Variants in APIP observed in about 807,000 individuals in gnomAD.
The protein encoded by APIP is APAF1 interacting protein.
A neutral mutation model predicts 32.0 loss-of-function variants in APIP; 32 were observed. The ratio of observed to expected loss-of-function variants is 1.00; its 90% CI spans 0.76 to 1.34. The LOEUF (loss-of-function observed/expected upper bound fraction) is 1.34. APIP is among the 40% of genes most tolerant of loss of function. The pLI is 0.00. For missense variants in APIP, 247 were observed against 298.6 expected (o/e 0.83, Z 1.27); for synonymous variants, 92 against 94.8 (o/e 0.97, Z 0.17).
chr11:34,916,133 C>G (rs1565143343), intron 1 of APIP, 95 bp downstream of exon 1: 23 of 1,498,038 alleles, frequency 1.5e-5, no homozygotes, highest in Non-Finnish European at 2.1e-5. Context: ...CGCAGCTAAA[C>G]GCCCGGCCCG....
In APIP at chr11:34,899,457, T is replaced by C. The variant is rs187155237; in HGVS notation, c.58-4347A>G. The stretch of plus-strand genomic sequence containing the variant: ...ATTCTGTCTCTGATTAAGGTAGTAC[T>C]GAGCTAGTAAGGGGATTTTAAGTCC... On this transcript the variant is annotated intron_variant, in intron 1 of 6. Transcript: ENST00000395787. 3.7e-4 allele frequency among the ~76,000 whole-genome samples: 57 copies of C among 152,342 alleles called. 1 individual carries two copies. Among genetic ancestry groups the C allele is most frequent in the Admixed American group, 3.3e-3 (50 of 15,312 alleles).
chr11:34,907,556 A>G (rs1273870557), intron 1 of APIP, among the ~76,000 whole-genome samples: 1 of 152,222 alleles, frequency 6.6e-6, no homozygotes, highest in Non-Finnish European at 1.5e-5. Context: ...ACAGAGATAT[A>G]CTTGGTGAAA....
intron 1 of APIP, among the ~76,000 whole-genome samples, chr11:34,904,006 C>G (rs963983436): frequency 3.3e-5 from 5 of 152,192 alleles, no homozygotes; most frequent in African/African-American, 9.7e-5. Flanking sequence ...TGAAGTCTGT[C>G]TTAAAAATAA....
intron 2 of APIP, 52 bp from the exon 3 acceptor site, chr11:34,890,604 C>G (rs142972338): frequency 3.1e-6 from 5 of 1,592,566 alleles, no homozygotes; most frequent in Non-Finnish European, 1.7e-6. Flanking sequence ...TGCTTTTGCA[C>G]AAAGAAAAGT....
chr11:34,904,126 T>A (rs1272122216), intron 1 of APIP, among the ~76,000 whole-genome samples: 1 of 152,226 alleles, frequency 6.6e-6, no homozygotes, highest in Non-Finnish European at 1.5e-5. Flanking sequence ...GGGCATTCAA[T>A]ACCTGCTGGT....
At chr11:34,898,429 G>A (rs1444991164) in intron 1 of APIP, among the ~76,000 whole-genome samples, 1 of 152,078 alleles carries the variant, frequency 6.6e-6, no homozygotes, top group African/African-American at 2.4e-5. Context: ...CGTGAGGCTG[G>A]GAAAGTTCTG....
chr11:34,903,454 T>C (rs1454308967), intron 1 of APIP, among the ~76,000 whole-genome samples: 3 of 152,222 alleles, frequency 2.0e-5, no homozygotes, highest in Non-Finnish European at 4.4e-5. Flanking sequence ...TTACACTGAC[T>C]CCAAGTATGC....
At chr11:34,903,613 G>A (rs1348339856) in intron 1 of APIP, among the ~76,000 whole-genome samples, 1 of 152,120 alleles carries the variant, frequency 6.6e-6, no homozygotes, top group Non-Finnish European at 1.5e-5. Flanking sequence ...GCATTGCAAG[G>A]GACATCAAAA....
chr11:34,912,431 T>A (rs7116411), intron 1 of APIP, among the ~76,000 whole-genome samples: 1 of 152,136 alleles, frequency 6.6e-6, no homozygotes, highest in Non-Finnish European at 1.5e-5. Context: ...TTCTCTCTCC[T>A]AGCTTGAAAG....
intron 1 of APIP, among the ~76,000 whole-genome samples, chr11:34,896,444 C>T (rs1462858371): frequency 6.6e-6 from 1 of 152,132 alleles, no homozygotes; most frequent in Non-Finnish European, 1.5e-5. Context: ...AAGCTGGAAA[C>T]CATCATTCTC....
Position 34,895,023 on chromosome 11 carries a change from TA to T in APIP, c.144del (p.Ser49AlafsTer2). 1.9e-6 allele frequency: 3 copies of T among 1,614,064 alleles called. No individual in the cohort carries two copies. Among genetic ancestry groups the T allele is most frequent in the Non-Finnish European group, 1.7e-6 (2 of 1,179,912 alleles). On this transcript the variant is annotated frameshift_variant, in exon 2 of 7. Coordinates refer to ENST00000395787, the MANE Select transcript of APIP (RefSeq NM_015957.4). LOFTEE classifies it high-confidence loss of function. Reference sequence around the variant, plus strand: ...CCAGAAACTTACCCATGCTTCAAGCTAATTCCTCCTCCAGTCCCAGTGACCC... The same window carrying T: ...CCAGAAACTTACCCATGCTTCAAGCTATTCCTCCTCCAGTCCCAGTGACCC... ...LGWVTGTGGGISLKHGDEIYI... is the reference protein window; with the variant it reads ...LGWVTGTGGGXSLKHGDEIYI...
At position 34,883,346 on chromosome 11, in the gene APIP, G is replaced by A; in HGVS notation, c.620C>T (p.Ala207Val). ...TCTGATTTACACTCACATGGTTTTG[G>A]CCTTCTCCCATGTTTCCCCCCACAC... ...VYVWGETWEK[A>V]KTMCECYDYL... The change falls in exon 6 of 7, where the codon GCC becomes GTC. Residue 207 changes from alanine to valine, a missense_variant. By Grantham distance (64) the Ala-to-Val change is moderately conservative (BLOSUM62 0). Coordinates refer to ENST00000395787, the MANE Select transcript of APIP (RefSeq NM_015957.4). 1.9e-6 allele frequency: 3 copies of A among 1,608,156 alleles called. No homozygotes were observed. Among genetic ancestry groups the A allele is most frequent in the Non-Finnish European group, 8.5e-7 (1 of 1,177,714 alleles).
intron 1 of APIP, among the ~76,000 whole-genome samples, chr11:34,901,334 A>G (rs1853366835): frequency 6.6e-6 from 1 of 152,164 alleles, no homozygotes; most frequent in South Asian, 2.1e-4. Context: ...ATCTGCCCCC[A>G]GAGACGGAGG....
intron 1 of APIP, among the ~76,000 whole-genome samples, chr11:34,914,260 C>T (rs1853610727): frequency 6.6e-6 from 1 of 152,196 alleles, no homozygotes; most frequent in South Asian, 2.1e-4. Flanking sequence ...TTCCACTGTA[C>T]AGCATGTTCT....
chr11:34,889,063 A>G (rs1479627351), intron 3 of APIP, among the ~76,000 whole-genome samples, 194 bp from the exon 4 acceptor site: 1 of 152,064 alleles, frequency 6.6e-6, no homozygotes, highest in Non-Finnish European at 1.5e-5. Context: ...TTAAATATAT[A>G]ATTATAGTTT....
chr11:34,913,036 C>T (rs2986415), intron 1 of APIP, among the ~76,000 whole-genome samples: 120,102 of 151,972 alleles, frequency 0.79, 47,626 homozygotes, highest in East Asian at 0.83. Context: ...TCATTCTTGA[C>T]TTCTTTTCTC....
At chr11:34,916,192 C>T (rs1287508126) in intron 1 of APIP, 36 bp downstream of exon 1, 18 of 1,599,388 alleles carry the variant, frequency 1.1e-5, no homozygotes, top group South Asian at 1.0e-4. Flanking sequence ...GGCCTCTCCT[C>T]CTGGGAATAC....
At position 34,905,736 on chromosome 11, in the gene APIP, C is replaced by A. The variant is rs573615710; in HGVS notation, c.57+10492G>T. ...TCTAGCCTCTCATTCTGGTTGGAAG[C>A]CCCGATGGGAGTGGCATGCTCTAAG... On this transcript the variant is annotated intron_variant, in intron 1 of 6. Transcript: ENST00000395787. Among the ~76,000 whole-genome samples, 6 of 152,268 alleles carry A rather than the reference C, an allele frequency of 3.9e-5. No homozygotes were observed. In the South Asian group the frequency reaches 1.2e-3, roughly 32 times the overall value.
At chr11:34,916,047 G>A in intron 1 of APIP, 181 bp downstream of exon 1, 1 of 754,134 alleles carries the variant, frequency 1.3e-6, no homozygotes, top group South Asian at 1.9e-5. Flanking sequence ...ATCTCCTGGG[G>A]CCTCGCAGCC....
Sources: gnomAD v4.1 joint callset for allele counts (sites outside exome capture counted in the v4.1 genomes callset) on GRCh38, gnomAD v4.1.1 for gene constraint, MANE v1.5 for transcripts, NCBI Gene and HGNC (gene_info 2026-07-23, HGNC 2026-07-21) for gene names.